The following PLCB1 variants were observed in gnomAD, a reference collection of about 807,000 sequenced individuals.
PLCB1 encodes phospholipase C beta 1, also known as 1-phosphatidylinositol 4,5-bisphosphate phosphodiesterase beta-1.
Under a neutral mutation model 161.8 loss-of-function variants are expected in PLCB1, and 46 were observed. That is an observed-to-expected ratio of 0.28 (90% CI 0.22 to 0.36). The LOEUF (loss-of-function observed/expected upper bound fraction) is 0.36, where lower values mean the gene tolerates loss of function less well. Ranked by LOEUF, PLCB1 falls within the 10% of genes least tolerant of loss-of-function variation. PLCB1 has a pLI of 1.00. For synonymous variants in PLCB1, 517 were observed against 503.7 expected, an observed-to-expected ratio of 1.03 and a Z score of -0.35; for missense variants, 1,016 against 1,472.5, an observed-to-expected ratio of 0.69 and a Z score of 5.07.
intron 2 of PLCB1, among the ~76,000 whole-genome samples, chr20:8,177,114 C>A (rs984883316): frequency 1.1e-4 from 17 of 151,500 alleles, no homozygotes; most frequent in African/African-American, 3.2e-4. Flanking sequence ...TGTTTTTGTC[C>A]CCCCAAAAAA....
intron 2 of PLCB1, among the ~76,000 whole-genome samples, chr20:8,179,030 T>C (rs766876452): frequency 2.4e-4 from 37 of 152,350 alleles, no homozygotes; most frequent in South Asian, 2.1e-4. Flanking sequence ...TTTTCGTTAC[T>C]GTATAGCCTT....
chr20:8,716,009 A>T, intron 12 of PLCB1: 2 of 410,074 alleles, frequency 4.9e-6, no homozygotes, highest in Non-Finnish European at 8.7e-6. Context: ...AGCAAATGAC[A>T]TGCTGTCCCC....
intron 23 of PLCB1, among the ~76,000 whole-genome samples, chr20:8,744,368 T>G (rs745369557): frequency 2.0e-5 from 3 of 152,134 alleles, no homozygotes; most frequent in Non-Finnish European, 1.5e-5. Context: ...CAAGAGAACA[T>G]TTCAACACTA....
At chr20:8,708,192 T>A (rs957396363) in intron 11 of PLCB1, among the ~76,000 whole-genome samples, 2 of 152,146 alleles carry the variant, frequency 1.3e-5, no homozygotes, top group Admixed American at 1.3e-4. Flanking sequence ...AAAAGTCACA[T>A]CTCAATAACA....
At chr20:8,466,810 C>T (rs1981845177) in intron 3 of PLCB1, among the ~76,000 whole-genome samples, 1 of 152,136 alleles carries the variant, frequency 6.6e-6, no homozygotes, top group Non-Finnish European at 1.5e-5. Context: ...GCCATCACAA[C>T]TTGAATGTTT....
chr20:8,372,408 C>T (rs1986932425), intron 3 of PLCB1, among the ~76,000 whole-genome samples: 1 of 152,106 alleles, frequency 6.6e-6, no homozygotes, highest in African/African-American at 2.4e-5. Flanking sequence ...CAGTAGGTGC[C>T]AGCATATTCT....
At chr20:8,621,513 T>C (rs761387954) in intron 3 of PLCB1, among the ~76,000 whole-genome samples, 9 of 152,234 alleles carry the variant, frequency 5.9e-5, no homozygotes, top group African/African-American at 2.2e-4. Flanking sequence ...ATGATTAAAA[T>C]TGACCATTTA....
At chr20:8,617,338 C>G (rs1305254032) in intron 3 of PLCB1, among the ~76,000 whole-genome samples, 3 of 152,124 alleles carry the variant, frequency 2.0e-5, no homozygotes, top group Non-Finnish European at 4.4e-5. Flanking sequence ...AATGAATACT[C>G]AAAACTCATC....
intron 23 of PLCB1, among the ~76,000 whole-genome samples, chr20:8,743,293 C>G (rs1232918349): frequency 6.6e-6 from 1 of 152,088 alleles, no homozygotes; most frequent in African/African-American, 2.4e-5. Flanking sequence ...AATGCTTTTT[C>G]AACATCAATT....
At chr20:8,787,162 A>T (rs1440080922) in intron 27 of PLCB1, among the ~76,000 whole-genome samples, 1 of 152,176 alleles carries the variant, frequency 6.6e-6, no homozygotes, top group African/African-American at 2.4e-5. Flanking sequence ...ACAGGGTTTT[A>T]TTGTGTTGAA....
intron 2 of PLCB1, among the ~76,000 whole-genome samples, chr20:8,179,898 G>C (rs376570873): frequency 9.0e-6 from 1 of 110,552 alleles, no homozygotes; most frequent in Admixed American, 1.4e-4. Context: ...CCTCTCTGTC[G>C]CCCAGGCTGG....
At chr20:8,407,673 A>G (rs1203968118) in intron 3 of PLCB1, among the ~76,000 whole-genome samples, 3 of 152,194 alleles carry the variant, frequency 2.0e-5, no homozygotes, top group Non-Finnish European at 4.4e-5. Flanking sequence ...TCTGAGAGAT[A>G]CAAATCAGGT....
chr20:8,251,139 AG>A (rs1165076529), intron 2 of PLCB1, among the ~76,000 whole-genome samples: 1 of 151,964 alleles, frequency 6.6e-6, no homozygotes, highest in Non-Finnish European at 1.5e-5. Context: ...AGAAGTGCAA[AG>A]GGACAAACAG....
At chr20:8,306,688 A>G (rs1439849985) in intron 2 of PLCB1, among the ~76,000 whole-genome samples, 1 of 152,236 alleles carries the variant, frequency 6.6e-6, no homozygotes, top group African/African-American at 2.4e-5. Context: ...AATATTGGTT[A>G]TGAAAATATT....
At chr20:8,789,135 T>C (rs1323534731) in intron 29 of PLCB1, among the ~76,000 whole-genome samples, 1 of 152,164 alleles carries the variant, frequency 6.6e-6, no homozygotes, top group Admixed American at 6.5e-5. Context: ...CTCAGCACTT[T>C]GAAAGGCCTA....
intron 31 of PLCB1, among the ~76,000 whole-genome samples, chr20:8,837,861 G>A (rs1986348227): frequency 1.3e-5 from 2 of 152,170 alleles, no homozygotes; most frequent in South Asian, 2.1e-4. Context: ...TCCCAGGGTG[G>A]CAGGGGCCAA....
At chr20:8,415,056 A>G (rs1487125579) in intron 3 of PLCB1, among the ~76,000 whole-genome samples, 2 of 152,234 alleles carry the variant, frequency 1.3e-5, no homozygotes, top group East Asian at 1.9e-4. Context: ...TATTGTTATC[A>G]TGGGTGAGTG....
chr20:8,506,132 C>T (rs150456579), intron 3 of PLCB1, among the ~76,000 whole-genome samples: 1 of 152,326 alleles, frequency 6.6e-6, no homozygotes, highest in Non-Finnish European at 1.5e-5. Flanking sequence ...CTTGAGCCAA[C>T]ATGGTATGAT....
chr20:8,648,283 C>T (rs1188881482), intron 6 of PLCB1, among the ~76,000 whole-genome samples: 1 of 152,200 alleles, frequency 6.6e-6, no homozygotes, highest in East Asian at 1.9e-4. Context: ...CTCAGTGCCT[C>T]TTTCTACCAA....
Sources: gnomAD v4.1 joint callset for allele counts (sites outside exome capture counted in the v4.1 genomes callset) on GRCh38, gnomAD v4.1.1 for gene constraint, MANE v1.5 for transcripts, NCBI Gene and HGNC (gene_info 2026-07-23, HGNC 2026-07-21) for gene names.